RDH10: variants seen among roughly 807,000 people sequenced by gnomAD.
RDH10 encodes the protein retinol dehydrogenase 10.
Under a neutral mutation model 30.2 loss-of-function variants are expected in RDH10, and 12 were observed. The observed-to-expected ratio is 0.40, with a 90% confidence interval of 0.25 to 0.64. The LOEUF (loss-of-function observed/expected upper bound fraction) is 0.64. Ranked by LOEUF, RDH10 falls within the 30% of genes least tolerant of loss-of-function variation. RDH10 has a pLI of 0.43. For missense variants in RDH10, 268 were observed against 445.2 expected, an observed-to-expected ratio of 0.60 and a Z score of 3.58; for synonymous variants, 189 against 172.2, an observed-to-expected ratio of 1.10 and a Z score of -0.76.
chr8:73,297,595 C>A, intron 2 of RDH10, 166 bp downstream of exon 2: 1 of 579,204 alleles, frequency 1.7e-6, no homozygotes, highest in Non-Finnish European at 3.1e-6. Flanking sequence ...TACTGTTAGT[C>A]GTTTTGTCCC....
chr8:73,313,368 C>T (rs1486535859), intron 2 of RDH10: 3 of 152,148 alleles, frequency 2.0e-5, no homozygotes, highest in African/African-American at 2.4e-5. Context: ...TTTCAAAGTG[C>T]CCAGTGCTTT....
chr8:73,316,131 C>T (rs1305663605), intron 2 of RDH10, among the ~76,000 whole-genome samples: 1 of 152,112 alleles, frequency 6.6e-6, no homozygotes, highest in Non-Finnish European at 1.5e-5. Flanking sequence ...ATCTGTCTAC[C>T]CCAGCCTCCC....
intron 3 of RDH10, 108 bp from the exon 4 acceptor site, chr8:73,320,824 C>G: frequency 3.7e-6 from 4 of 1,068,916 alleles, no homozygotes; most frequent in Non-Finnish European, 5.5e-6. Context: ...CACCTGTAAC[C>G]TTATGTATTA....
At position 73,322,939 on chromosome 8, in the gene RDH10, G is replaced by C. The variant is rs760815013; in HGVS notation, c.929G>C (p.Cys310Ser). ...KSILPFEAVVCMYRFLGADKC... is the reference protein window; with the variant it reads ...KSILPFEAVVSMYRFLGADKC... ...ATCCTACCATTTGAAGCAGTTGTGT[G>C]CATGTATCGGTTCCTAGGAGCGGAC... Residue 310 changes from cysteine (C) to serine (S), a missense_variant, in exon 6 of 6, where the codon TGC becomes TCC. By Grantham distance (112) the Cys-to-Ser change is moderately radical. Coordinates refer to ENST00000240285, the MANE Select transcript of RDH10 (RefSeq NM_172037.5). The C allele has an allele frequency of 7.4e-6, 12 of 1,614,022 alleles. No homozygotes were observed. The Admixed American group carries it at 1.7e-4, about 22-fold the overall frequency.
intron 3 of RDH10, 86 bp from the exon 4 acceptor site, chr8:73,320,846 A>G (rs1010778671): frequency 1.4e-5 from 19 of 1,315,736 alleles, no homozygotes; most frequent in Non-Finnish European, 1.9e-5. Flanking sequence ...ACATCTAAAC[A>G]TGGTAATAGG....
At chr8:73,320,318 T>A (rs1037343981) in intron 3 of RDH10, among the ~76,000 whole-genome samples, 5 of 152,214 alleles carry the variant, frequency 3.3e-5, no homozygotes, top group African/African-American at 1.2e-4. Context: ...ATAGAATCCT[T>A]TATGGTAACT....
intron 2 of RDH10, among the ~76,000 whole-genome samples, chr8:73,310,075 A>T (rs4237001): frequency 0.79 from 120,354 of 152,146 alleles, 47,672 homozygotes; most frequent in South Asian, 0.92. Context: ...CTGAGAGGTG[A>T]CCTGAACACC....
chr8:73,295,123 G>T lies in RDH10; in HGVS notation c.-167G>T. On this transcript the variant is annotated 5_prime_UTR_variant, in exon 1 of 6. Coordinates refer to ENST00000240285, the MANE Select transcript of RDH10 (RefSeq NM_172037.5). ...GGGAGTGGCCCCGCGCAGGCAGGGA[G>T]CGGCGCCGCGCACTCCAACCCGGCG... 2.0e-6 allele frequency: 1 copy of T among 504,522 alleles called. No individual in the cohort carries two copies. 31.3% of individuals were successfully genotyped at this position (504,522 alleles called of 1,614,324 possible).
At chr8:73,301,414 A>G (rs1199918721) in intron 2 of RDH10, among the ~76,000 whole-genome samples, 1 of 152,066 alleles carries the variant, frequency 6.6e-6, no homozygotes, top group East Asian at 1.9e-4. Context: ...TTTAGAAGAT[A>G]ACCTATTCAG....
chr8:73,307,842 T>G (rs755110135), intron 2 of RDH10, among the ~76,000 whole-genome samples: 3 of 152,230 alleles, frequency 2.0e-5, no homozygotes, highest in Non-Finnish European at 2.9e-5. Flanking sequence ...ATGGTTAGTT[T>G]AGCAGTAACT....
chr8:73,301,039 A>ATTTTTTTTTTTTT (rs1563547188), intron 2 of RDH10, among the ~76,000 whole-genome samples: 1 of 98,800 alleles, frequency 1.0e-5, no homozygotes, highest in African/African-American at 4.0e-5. Flanking sequence ...ACAAAACTCT[A>ATTTTTTTTTTTTT]TTCTTTTTTT....
intron 1 of RDH10, among the ~76,000 whole-genome samples, chr8:73,296,243 GT>G (rs941703252): frequency 3.8e-4 from 55 of 144,530 alleles, no homozygotes; most frequent in Middle Eastern, 3.6e-3. Context: ...AATCTGAGTT[GT>G]TTTTTTTTTT....
intron 3 of RDH10, 48 bp downstream of exon 3, chr8:73,319,242 G>A: frequency 7.7e-7 from 1 of 1,306,778 alleles, no homozygotes; most frequent in Non-Finnish European, 1.1e-6. Context: ...TTTATCCTGT[G>A]ATAAGTACAC....
intron 2 of RDH10, chr8:73,315,755 A>G (rs1814651157): frequency 7.4e-6 from 2 of 269,004 alleles, no homozygotes; most frequent in Non-Finnish European, 1.6e-5. Flanking sequence ...ACCAAGTAGC[A>G]GGTTCTGATA....
chr8:73,303,351 T>C (rs1814412323), intron 2 of RDH10, among the ~76,000 whole-genome samples: 1 of 152,248 alleles, frequency 6.6e-6, no homozygotes, highest in African/African-American at 2.4e-5. Flanking sequence ...TTACAGAAAC[T>C]AGTTTTGTTC....
chr8:73,295,919 A>T, intron 1 of RDH10: 2 of 942,682 alleles, frequency 2.1e-6, no homozygotes, highest in East Asian at 6.1e-5. Flanking sequence ...TCCGACTTAC[A>T]AGCGGCGCGA....
In RDH10 at chr8:73,320,993, A is replaced by G. The variant is rs973578810; in HGVS notation, c.686A>G (p.Lys229Arg). 6.2e-7 allele frequency: 1 copy of G among 1,614,092 alleles called. No homozygotes were observed. Among genetic ancestry groups the G allele is most frequent in the Non-Finnish European group, 8.5e-7 (1 of 1,179,950 alleles). The change falls in exon 4 of 6, where the codon AAG becomes AGG. Residue 229 changes from lysine to arginine, a missense_variant. This residue lies in a region of RDH10 where 136 missense variants were observed against 288.8 expected (regional missense o/e 0.47). Coordinates refer to ENST00000240285, the MANE Select transcript of RDH10 (RefSeq NM_172037.5). Reference sequence around the variant, plus strand: ...CATGAATCCCTGAGCCATGAACTAAAGGCTGCTGAAAAGGATGGAATTAAA... The same window carrying G: ...CATGAATCCCTGAGCCATGAACTAAGGGCTGCTGAAAAGGATGGAATTAAA... ...GFHESLSHEL[K>R]AAEKDGIKTT...
chr8:73,302,574 C>T (rs577457772), intron 2 of RDH10, among the ~76,000 whole-genome samples: 5 of 152,158 alleles, frequency 3.3e-5, no homozygotes, highest in Admixed American at 6.5e-5. Context: ...AGTCCCAGCT[C>T]CTCAGGAGGC....
chr8:73,296,165 G>A (rs185797474), intron 1 of RDH10, among the ~76,000 whole-genome samples: 26 of 152,088 alleles, frequency 1.7e-4, no homozygotes, highest in Non-Finnish European at 3.5e-4. Flanking sequence ...AGGCTTCGTT[G>A]TAAATTTCTT....
Sources: gnomAD v4.1 joint callset for allele counts (sites outside exome capture counted in the v4.1 genomes callset) on GRCh38, gnomAD v4.1.1 for gene constraint, gnomAD v4.1.1 regional missense constraint, MANE v1.5 for transcripts, NCBI Gene and HGNC (gene_info 2026-07-23, HGNC 2026-07-21) for gene names.